DENND2A: variants seen among roughly 807,000 people sequenced by gnomAD.
The protein encoded by DENND2A is DENN domain-containing protein 2A.
A neutral mutation model predicts 105.3 loss-of-function variants in DENND2A; 53 were observed. That is an observed-to-expected ratio of 0.50 (90% CI 0.40 to 0.63). The LOEUF (loss-of-function observed/expected upper bound fraction) is 0.63, where lower values mean the gene tolerates loss of function less well. DENND2A is among the 30% of genes least tolerant of loss of function. The pLI is 0.00. For synonymous variants in DENND2A, 522 were observed against 508.4 expected (o/e 1.03, Z -0.36); for missense variants, 1,138 against 1,279.6 (o/e 0.89, Z 1.69).
At chr7:140,625,237 C>T (rs562955038) in intron 1 of DENND2A, among the ~76,000 whole-genome samples, 3 of 149,878 alleles carry the variant, frequency 2.0e-5, no homozygotes, top group African/African-American at 5.0e-5. Context: ...ATTAGCTGGG[C>T]GTGGTGGTGC....
At chr7:140,549,592 T>C (rs1050961789) in intron 12 of DENND2A, among the ~76,000 whole-genome samples, 7 of 149,130 alleles carry the variant, frequency 4.7e-5, no homozygotes, top group Admixed American at 4.6e-4. Context: ...ATATCAATGA[T>C]TTTTTTCATG....
chr7:140,620,348 G>T (rs1800237821), intron 1 of DENND2A, among the ~76,000 whole-genome samples: 1 of 85,666 alleles, frequency 1.2e-5, no homozygotes, highest in African/African-American at 4.4e-5. Flanking sequence ...TTTAAAAGGG[G>T]TGGGGGGGGG....
At chr7:140,636,684 C>CTTTT (rs35563637) in intron 1 of DENND2A, among the ~76,000 whole-genome samples, 1 of 98,380 alleles carries the variant, frequency 1.0e-5, no homozygotes, top group Non-Finnish European at 1.9e-5. Context: ...CCTCCCCAGC[C>CTTTT]TTTTTTTTTT....
intron 9 of DENND2A, among the ~76,000 whole-genome samples, chr7:140,561,686 TGTA>T (rs1261361980): frequency 2.5e-4 from 15 of 59,738 alleles, no homozygotes; most frequent in East Asian, 2.5e-3. Context: ...TTTTTTTTTT[TGTA>T]TTTTCAGTAG....
intron 14 of DENND2A, among the ~76,000 whole-genome samples, chr7:140,529,759 C>T (rs1197965819): frequency 6.7e-6 from 1 of 148,702 alleles, no homozygotes; most frequent in East Asian, 2.0e-4. Context: ...CACTTGGACA[C>T]AGGAAGGGGA....
At position 140,587,704 on chromosome 7, in the gene DENND2A, G is replaced by A; in HGVS notation, c.1072C>T (p.Leu358=). 1 of 1,613,940 alleles carries A rather than the reference G, an allele frequency of 6.2e-7. No homozygotes were observed. Among genetic ancestry groups the A allele is most frequent in the Non-Finnish European group, 8.5e-7 (1 of 1,179,918 alleles). The change falls in exon 4 of 20, where the codon CTG becomes TTG. Residue 358 remains leucine, a synonymous_variant. Transcript: ENST00000496613. ...SRVDWYAQTK[L]GLTRTLSEEN... ...TCCGATAAAGTGCGTGTCAGCCCCA[G>A]CTTAGTCTGCGCGTACCAGTCCACC...
Position 140,518,458 on chromosome 7 carries a change from ACCC to A in DENND2A, c.*246_*248del. ...TTTAATATCTAAGATAAAAAAAAAA[ACCC>A]AACCACCAAAACAACCCATTTGCAT... On this transcript the variant is annotated 3_prime_UTR_variant, in exon 20 of 20. Coordinates refer to ENST00000496613, the MANE Select transcript of DENND2A (RefSeq NM_015689.5). 1 of 426,876 alleles carries A rather than the reference ACCC, an allele frequency of 2.3e-6. No individual in the cohort carries two copies. The highest frequency in any genetic ancestry group is 4.1e-6 in the Non-Finnish European group (1 of 242,142). 26.4% of individuals were successfully genotyped at this position (426,876 alleles called of 1,614,324 possible).
chr7:140,546,767 C>T, intron 13 of DENND2A, 32 bp downstream of exon 13: 1 of 1,611,346 alleles, frequency 6.2e-7, no homozygotes, highest in South Asian at 1.1e-5. Context: ...CCACTGCCTC[C>T]CCAGGGAGAA....
chr7:140,607,966 G>A (rs2130698385), intron 1 of DENND2A, among the ~76,000 whole-genome samples: 1 of 152,260 alleles, frequency 6.6e-6, no homozygotes, highest in Non-Finnish European at 1.5e-5. Flanking sequence ...GGCTGTGCCT[G>A]GGTCACAATC....
intron 18 of DENND2A, among the ~76,000 whole-genome samples, chr7:140,520,773 G>A (rs182525185): frequency 1.3e-5 from 2 of 151,656 alleles, no homozygotes; most frequent in African/African-American, 4.8e-5. Flanking sequence ...TGGCCAGGTT[G>A]GTCTCGAACT....
intron 3 of DENND2A, among the ~76,000 whole-genome samples, chr7:140,593,529 GA>G (rs1799150450): frequency 6.6e-6 from 1 of 152,198 alleles, no homozygotes; most frequent in South Asian, 2.1e-4. Flanking sequence ...TTTTGTAAAT[GA>G]AATGCTAACT....
At chr7:140,624,559 GCTC>G (rs755707474) in intron 1 of DENND2A, among the ~76,000 whole-genome samples, 1 of 152,116 alleles carries the variant, frequency 6.6e-6, no homozygotes, top group Non-Finnish European at 1.5e-5. Context: ...AGAACCCAGG[GCTC>G]CTGTTACCCT....
At chr7:140,630,294 A>T (rs1800689536) in intron 1 of DENND2A, among the ~76,000 whole-genome samples, 1 of 151,446 alleles carries the variant, frequency 6.6e-6, no homozygotes, top group Admixed American at 6.6e-5. Context: ...TATTTTTCTC[A>T]AAGACAGGGT....
At chr7:140,614,167 A>C (rs7792863) in intron 1 of DENND2A, among the ~76,000 whole-genome samples, 1 of 151,952 alleles carries the variant, frequency 6.6e-6, no homozygotes, top group African/African-American at 2.4e-5. Context: ...GCAGTGGCAC[A>C]ATCTTGGCTC....
In DENND2A at chr7:140,602,015, A is replaced by G. The variant is rs372145398; in HGVS notation, c.383T>C (p.Leu128Pro). The change falls in exon 3 of 20, where the codon CTA (leucine) becomes CCA (proline). Residue 128 changes from leucine (L) to proline (P), a missense_variant. Around this residue, in one of 2 missense-constraint regions of DENND2A, gnomAD observed 511 missense variants for 499.9 expected, o/e 1.02. Transcript: ENST00000496613. Reference sequence around the variant, plus strand: ...ATCCACTTCCCGTTCTGGCTGGCTTAGGTCTTGCCCCGGCTCTGGGTCCTG... The same window carrying G: ...ATCCACTTCCCGTTCTGGCTGGCTTGGGTCTTGCCCCGGCTCTGGGTCCTG... ...GGQDPEPGQD[L>P]SQPEREVDPS... 8.1e-6 allele frequency: 13 copies of G among 1,614,036 alleles called. No individual in the cohort carries two copies. In the African/African-American group the frequency reaches 1.3e-4, roughly 17 times the overall value.
In DENND2A at chr7:140,569,720, C is replaced by A; in HGVS notation, c.1465G>T (p.Ala489Ser). ...KIPKLVLRIN[A>S]IYEVRRGKKR... ...TTTCCTCTCCGGACCTCATAAATGG[C>A]GTTGATTCGCAACACCAGCTGCCAG... Residue 489 changes from alanine (A) to serine (S), a missense_variant, in exon 7 of 20, where the codon GCC (alanine) becomes TCC (serine). Around this residue, in one of 2 missense-constraint regions of DENND2A, gnomAD observed 627 missense variants for 779.8 expected, o/e 0.80. Coordinates refer to ENST00000496613, the MANE Select transcript of DENND2A (RefSeq NM_015689.5). The A allele has an allele frequency of 6.2e-7, 1 of 1,612,806 alleles. No individual in the cohort carries two copies. Among genetic ancestry groups the A allele is most frequent in the Non-Finnish European group, 8.5e-7 (1 of 1,178,916 alleles).
Position 140,523,816 on chromosome 7 carries a change from G to A in DENND2A, c.2548-392C>T, listed in dbSNP as rs185288714. Reference sequence around the variant, plus strand: ...TCGAACTCCTGACCTCAGGTGATCCGCCCACCTTGGTCTCCCAAAGTGCTG... The same window carrying A: ...TCGAACTCCTGACCTCAGGTGATCCACCCACCTTGGTCTCCCAAAGTGCTG... On this transcript the variant is annotated intron_variant, in intron 16 of 19. Coordinates refer to ENST00000496613, the MANE Select transcript of DENND2A (RefSeq NM_015689.5). The surrounding 1 kb of genome is among the most constrained non-coding windows in gnomAD (Gnocchi z 4.5). 7.9e-4 allele frequency among the ~76,000 whole-genome samples: 120 copies of A among 152,180 alleles called. 2 individuals are homozygous for A. The East Asian group carries it at 0.022, about 28-fold the overall frequency.
rs536980807 is a variant in DENND2A at position 140,632,909 on chromosome 7, TGGA to T, written c.-248+7592_-248+7594del. 2.2e-3 allele frequency among the ~76,000 whole-genome samples: 330 copies of T among 147,706 alleles called. 3 individuals are homozygous for T. The highest frequency in any genetic ancestry group is 8.0e-3 in the African/African-American group (313 of 39,226). The stretch of plus-strand genomic sequence containing the variant: ...GACAGTCTCCCTCTTTTGCCCAGGC[TGGA>T]GTCCAGTGGCGCAATCTCAGCTCAC... On this transcript the variant is annotated intron_variant, in intron 1 of 19. Coordinates refer to ENST00000496613, the MANE Select transcript of DENND2A (RefSeq NM_015689.5).
chr7:140,610,498 T>C (rs963769185), intron 1 of DENND2A, among the ~76,000 whole-genome samples: 4 of 152,222 alleles, frequency 2.6e-5, no homozygotes, highest in African/African-American at 9.6e-5. Context: ...CCCAGACAAC[T>C]TAATTGCTCC....
Sources: allele counts gnomAD v4.1 joint callset (sites outside exome capture counted in the v4.1 genomes callset), GRCh38; gene constraint gnomAD v4.1.1; regional missense constraint gnomAD v4.1.1; non-coding constraint Gnocchi (gnomAD v3.1); transcripts MANE v1.5; gene names NCBI Gene and HGNC (gene_info 2026-07-23, HGNC 2026-07-21).